Variants in SGCD observed in about 807,000 individuals in gnomAD.
SGCD encodes delta-sarcoglycan.
Under a neutral mutation model 36.6 loss-of-function variants are expected in SGCD, and 18 were observed. The observed-to-expected ratio is 0.49, with a 90% confidence interval of 0.34 to 0.73. The LOEUF is 0.73. Ranked by LOEUF, SGCD falls within the 30% of genes least tolerant of loss-of-function variation. The pLI is 0.01. For synonymous variants in SGCD, 133 were observed against 130.6 expected (o/e 1.02, Z -0.12); for missense variants, 387 against 346.7 (o/e 1.12, Z -0.92).
chr5:156,531,267 G>A (rs1214188720), intron 4 of SGCD, among the ~76,000 whole-genome samples: 6 of 152,126 alleles, frequency 3.9e-5, no homozygotes, highest in African/African-American at 1.2e-4. Context: ...GAACCTGCTG[G>A]AACCATGATC....
Position 156,344,570 on chromosome 5 carries a change from G to A in SGCD, c.85G>A (p.Gly29Ser), listed in dbSNP as rs773399590. 15 of 1,612,244 alleles carry A rather than the reference G, an allele frequency of 9.3e-6. No individual in the cohort carries two copies. The highest frequency in any genetic ancestry group is 3.3e-5 in the Admixed American group (2 of 59,852). Residue 29 changes from glycine (G) to serine (S), a missense_variant, in exon 3 of 9, where the codon GGC becomes AGC. Coordinates refer to ENST00000337851, the MANE Select transcript of SGCD (RefSeq NM_000337.6). The stretch of plus-strand genomic sequence containing the variant: ...ACAGGTATACAAGGTGGGGATTTAT[G>A]GCTGGCGGAAACGATGCCTGTATTT... ...GPQVYKVGIY[G>S]WRKRCLYFFV...
At chr5:155,730,788 G>A in the SGCD span, among the ~76,000 whole-genome samples, 1 of 152,186 alleles carries the variant, frequency 6.6e-6, no homozygotes, top group African/African-American at 2.4e-5. Context: ...CAGCTGTTTA[G>A]CCTTGCTGCC....
intron 1 of SGCD, among the ~76,000 whole-genome samples, chr5:155,993,008 A>G (rs1172703119): frequency 6.6e-6 from 1 of 151,946 alleles, no homozygotes; most frequent in Non-Finnish European, 1.5e-5. Context: ...CTCCTGCCCT[A>G]ATCACCCCAA....
chr5:156,046,823 T>C (rs1759777164), intron 1 of SGCD, among the ~76,000 whole-genome samples: 2 of 152,094 alleles, frequency 1.3e-5, no homozygotes, highest in South Asian at 4.1e-4. Flanking sequence ...CACATATCTC[T>C]CACTTCAAAC....
intron 3 of SGCD, among the ~76,000 whole-genome samples, chr5:156,280,021 G>T (rs1766410513): frequency 3.3e-5 from 5 of 151,780 alleles, no homozygotes; most frequent in Admixed American, 3.3e-4. Context: ...ATATGTGTGG[G>T]TTTTTTTCTT....
At position 156,010,557 on chromosome 5, in the gene SGCD, G is replaced by A. The variant is rs575900095; in HGVS notation, c.-281-107321G>A. 4.3e-4 allele frequency among the ~76,000 whole-genome samples: 65 copies of A among 152,250 alleles called. 1 individual carries two copies. The highest frequency in any genetic ancestry group is 1.1e-3 in the Admixed American group (17 of 15,290). ...GAATTATGGTTTCTAGGTAATTACA[G>A]TATCTAGTCGACTGTAACTTTAATC... On this transcript the variant is annotated intron_variant, in intron 1 of 9. Transcript: ENST00000517913.
At chr5:155,737,039 G>T in the SGCD span, among the ~76,000 whole-genome samples, 1 of 152,194 alleles carries the variant, frequency 6.6e-6, no homozygotes, top group Non-Finnish European at 1.5e-5. Flanking sequence ...GCAAGCTGAG[G>T]GTTGGGCAAG....
intron 3 of SGCD, among the ~76,000 whole-genome samples, chr5:156,281,281 A>AG (rs1561598566): frequency 1.2e-3 from 186 of 152,150 alleles, no homozygotes; most frequent in African/African-American, 4.4e-3. Context: ...TCCCCCCCCA[A>AG]AAAAGAACCA....
intron 1 of SGCD, among the ~76,000 whole-genome samples, chr5:155,983,341 C>T (rs1420827290): frequency 2.0e-5 from 3 of 152,200 alleles, no homozygotes; most frequent in African/African-American, 4.8e-5. Context: ...ACTCTATCAC[C>T]CAGGCTGGAG....
chr5:156,436,926 A>C (rs192260989), intron 3 of SGCD, among the ~76,000 whole-genome samples: 6 of 152,138 alleles, frequency 3.9e-5, no homozygotes, highest in Non-Finnish European at 8.8e-5. Flanking sequence ...CAAGTTGTAA[A>C]AATCAATTAG....
Position 156,056,051 on chromosome 5 carries a change from T to C in SGCD, c.-281-61827T>C, listed in dbSNP as rs766830454. On this transcript the variant is annotated intron_variant, in intron 1 of 9. Coordinates refer to the SGCD transcript ENST00000517913. The stretch of plus-strand genomic sequence containing the variant: ...GTGGACTAGACTTATCAGTCAGAAA[T>C]AGTGACAAAGTTGAAGTCAGATGCT... Among the ~76,000 whole-genome samples the C allele has an allele frequency of 1.0e-4, 15 of 146,386 alleles. 1 individual carries two copies. Among genetic ancestry groups the C allele is most frequent in the African/African-American group, 3.7e-4 (15 of 40,700 alleles).
At chr5:156,472,436 G>A (rs751587113) in intron 3 of SGCD, among the ~76,000 whole-genome samples, 4 of 151,168 alleles carry the variant, frequency 2.6e-5, no homozygotes, top group Non-Finnish European at 4.4e-5. Context: ...TTTTCTTTTC[G>A]AGGCCGAGTC....
chr5:156,285,120 T>C (rs1038897169), intron 3 of SGCD, among the ~76,000 whole-genome samples: 1 of 152,170 alleles, frequency 6.6e-6, no homozygotes, highest in Non-Finnish European at 1.5e-5. Context: ...TTACAAGGGA[T>C]ATGAAGGACC....
At chr5:155,733,542 A>G in the SGCD span, among the ~76,000 whole-genome samples, 6 of 152,148 alleles carry the variant, frequency 3.9e-5, no homozygotes, top group African/African-American at 1.4e-4. Flanking sequence ...TCTCTGATAC[A>G]TGTATTTTAA....
chr5:156,317,861 G>A (rs1211832711), intron 3 of SGCD, among the ~76,000 whole-genome samples: 1 of 152,164 alleles, frequency 6.6e-6, no homozygotes, highest in Non-Finnish European at 1.5e-5. Context: ...GATGAATGAA[G>A]TGGCTCAACA....
chr5:155,813,326 T>C, the SGCD span, among the ~76,000 whole-genome samples: 1 of 152,052 alleles, frequency 6.6e-6, no homozygotes, highest in Non-Finnish European at 1.5e-5. Flanking sequence ...AGGCAAACTA[T>C]CAAGTGGACT....
At chr5:155,734,260 C>T in the SGCD span, among the ~76,000 whole-genome samples, 1 of 151,358 alleles carries the variant, frequency 6.6e-6, no homozygotes, top group African/African-American at 2.4e-5. Context: ...GGCTGGAGTT[C>T]AGTGGTACCA....
Position 156,498,940 on chromosome 5 carries a change from G to C in SGCD, c.193-9661G>C, listed in dbSNP as rs920606527. 4.9e-3 allele frequency among the ~76,000 whole-genome samples: 532 copies of C among 109,450 alleles called. 2 individuals carry two copies. Among genetic ancestry groups the C allele is most frequent in the African/African-American group, 0.013 (495 of 38,318 alleles). The allele number at this position is 109,450 out of a possible 152,430, so 71.8% of individuals were successfully genotyped here. ...TCTTGCCATCATGTGTGCTACGTGT[G>C]TGTGTGTGTGTGTGTGTGTGTGTAT... is the stretch of plus-strand genomic sequence containing the variant. On this transcript the variant is annotated intron_variant, in intron 3 of 8. Coordinates refer to ENST00000337851, the MANE Select transcript of SGCD (RefSeq NM_000337.6).
intron 4 of SGCD, among the ~76,000 whole-genome samples, chr5:156,586,202 A>C (rs1760487058): frequency 6.6e-6 from 1 of 152,058 alleles, no homozygotes; most frequent in Non-Finnish European, 1.5e-5. Context: ...TGACCTCGAC[A>C]GTTTTGAAGG....
Sources: allele counts gnomAD v4.1 joint callset (sites outside exome capture counted in the v4.1 genomes callset), GRCh38; gene constraint gnomAD v4.1.1; transcripts MANE v1.5; gene names NCBI Gene and HGNC (gene_info 2026-07-23, HGNC 2026-07-21).